GPR176: variants seen among roughly 807,000 people sequenced by gnomAD.
GPR176 encodes G-protein coupled receptor 176.
A neutral mutation model predicts 35.4 loss-of-function variants in GPR176; 26 were observed. The observed-to-expected ratio is 0.74, with a 90% CI of 0.54 to 1.02. The LOEUF is 1.02. Among genes scored for constraint, GPR176 ranks in the 50% least tolerant of loss-of-function variants. GPR176 has a pLI of 0.00. For synonymous variants in GPR176, 278 were observed against 271.3 expected (o/e 1.02, Z -0.24); for missense variants, 597 against 665.3 (o/e 0.90, Z 1.13).
At position 39,799,190 on chromosome 15, in the gene GPR176, G is replaced by A. The variant is rs973909477; in HGVS notation, c.*1942C>T. 1.3e-5 allele frequency: 2 copies of A among 152,224 alleles called. No homozygotes were observed. Among genetic ancestry groups the A allele is most frequent in the African/African-American group, 4.8e-5 (2 of 41,454 alleles). 9.4% of individuals were successfully genotyped at this position (152,224 alleles called of 1,614,324 possible). ...GTTGTACATATACAGTATATTATCA[G>A]AACAACACCAAAGTGGCTACACTTG... On this transcript the variant is annotated 3_prime_UTR_variant, in exon 3 of 3. Coordinates refer to ENST00000561100, the MANE Select transcript of GPR176 (RefSeq NM_007223.3).
intron 1 of GPR176, among the ~76,000 whole-genome samples, chr15:39,911,028 T>G (rs2033563612): frequency 6.6e-6 from 1 of 151,794 alleles, no homozygotes; most frequent in African/African-American, 2.4e-5. Flanking sequence ...AGAGTGAGAC[T>G]CTGTATCAAA....
intron 1 of GPR176, among the ~76,000 whole-genome samples, chr15:39,881,665 A>G (rs113293669): frequency 6.6e-6 from 1 of 152,334 alleles, no homozygotes; most frequent in African/African-American, 2.4e-5. Flanking sequence ...TGAAATTTAC[A>G]TTTCTCACTG....
At chr15:39,897,303 C>T (rs770744437) in intron 1 of GPR176, among the ~76,000 whole-genome samples, 6 of 152,228 alleles carry the variant, frequency 3.9e-5, no homozygotes, top group African/African-American at 4.8e-5. Context: ...ACAGCAGACA[C>T]AAAACCACAC....
At chr15:39,879,526 C>T (rs933513976) in intron 1 of GPR176, among the ~76,000 whole-genome samples, 2 of 152,200 alleles carry the variant, frequency 1.3e-5, no homozygotes, top group Non-Finnish European at 2.9e-5. Flanking sequence ...AACCCTCATG[C>T]CCATGCTGCT....
chr15:39,905,437 C>A (rs1369861710), intron 1 of GPR176, among the ~76,000 whole-genome samples: 1 of 130,660 alleles, frequency 7.7e-6, no homozygotes, highest in African/African-American at 3.0e-5. Flanking sequence ...ATAGTGAGAC[C>A]TCGTCTCTAC....
rs1319999925 is a variant in GPR176, at chr15:39,801,861, C to T, written c.819G>A (p.Met273Ile). The T allele has an allele frequency of 6.2e-7, 1 of 1,613,904 alleles. No homozygotes were observed. Among genetic ancestry groups the T allele is most frequent in the Non-Finnish European group, 8.5e-7 (1 of 1,179,994 alleles). Residue 273 changes from methionine (M) to isoleucine (I), a missense_variant, in exon 3 of 3, where the codon ATG becomes ATA. Physicochemically the swap from Met to Ile is conservative, Grantham distance 10 (BLOSUM62 1). This residue lies in a region of GPR176 where 220 missense variants were observed against 297.6 expected (regional missense o/e 0.74). Transcript: ENST00000561100. The stretch of plus-strand genomic sequence containing the variant: ...AGGGCACGCTACACAAGATGAAGAC[C>T]ATCACCATGGAGAGCAGGGTGGCGT... The part of the protein sequence containing the change: ...ELHATLLSMV[M>I]VFILCSVPYA...
chr15:39,905,365 C>T (rs993484617), intron 1 of GPR176, among the ~76,000 whole-genome samples: 1 of 148,738 alleles, frequency 6.7e-6, no homozygotes, highest in Non-Finnish European at 1.5e-5. Flanking sequence ...AATCCCAGCA[C>T]TTTGGGAGGC....
intron 1 of GPR176, among the ~76,000 whole-genome samples, chr15:39,823,976 C>T (rs972795303): frequency 6.6e-6 from 1 of 152,152 alleles, no homozygotes; most frequent in Non-Finnish European, 1.5e-5. Flanking sequence ...GAAATGTGGC[C>T]TCCATTGTTA....
chr15:39,875,798 T>C (rs909184576), intron 1 of GPR176, among the ~76,000 whole-genome samples: 3 of 152,096 alleles, frequency 2.0e-5, no homozygotes, highest in Admixed American at 6.6e-5. Context: ...TTTATCATCT[T>C]GCTTAACTCA....
chr15:39,919,347 G>A (rs1052291044), intron 1 of GPR176, among the ~76,000 whole-genome samples: 7 of 152,006 alleles, frequency 4.6e-5, no homozygotes, highest in African/African-American at 1.7e-4. Context: ...TTTACCAGCA[G>A]GTTGGTGTTC....
chr15:39,804,093 G>C (rs1187919579), intron 2 of GPR176, among the ~76,000 whole-genome samples: 1 of 152,178 alleles, frequency 6.6e-6, no homozygotes, highest in African/African-American at 2.4e-5. Context: ...CACTGGCTCT[G>C]ACTGCCATTT....
intron 1 of GPR176, among the ~76,000 whole-genome samples, chr15:39,918,706 T>A (rs1448297100): frequency 6.6e-6 from 1 of 152,098 alleles, no homozygotes; most frequent in Admixed American, 6.6e-5. Context: ...GCAATAGTAG[T>A]ATCTACTCCT....
chr15:39,899,084 C>G (rs139574832), intron 1 of GPR176, among the ~76,000 whole-genome samples: 1 of 152,262 alleles, frequency 6.6e-6, no homozygotes, highest in East Asian at 1.9e-4. Context: ...GCCTGTGGAC[C>G]AGCAGCATCA....
chr15:39,919,312 C>T (rs1388613181), intron 1 of GPR176, among the ~76,000 whole-genome samples: 1 of 152,030 alleles, frequency 6.6e-6, no homozygotes, highest in Non-Finnish European at 1.5e-5. Context: ...CGACAGGCGA[C>T]ATACAGTTTA....
intron 1 of GPR176, among the ~76,000 whole-genome samples, chr15:39,809,128 G>T (rs999784134): frequency 2.3e-4 from 35 of 152,180 alleles, no homozygotes; most frequent in Admixed American, 3.9e-4. Context: ...TTTAAAACCC[G>T]AGACTGCTAT....
chr15:39,807,893 A>G (rs571465471), intron 1 of GPR176, among the ~76,000 whole-genome samples: 1 of 152,324 alleles, frequency 6.6e-6, no homozygotes, highest in Admixed American at 6.5e-5. Context: ...CAATAGCCAC[A>G]TGCAGCTAGT....
Position 39,838,094 on chromosome 15 carries a change from T to C in GPR176, c.173-30836A>G, listed in dbSNP as rs369836022. Among the ~76,000 whole-genome samples the C allele has an allele frequency of 3.0e-4, 46 of 152,204 alleles. No homozygotes were observed. In the East Asian group the frequency reaches 3.9e-3, roughly 13 times the overall value. On this transcript the variant is annotated intron_variant, in intron 1 of 2. Coordinates refer to ENST00000561100, the MANE Select transcript of GPR176 (RefSeq NM_007223.3). Reference sequence around the variant, plus strand: ...ACTAATGACTTATAACAAAATTAGGTTGTCATAGATGCATTAAGTTTCTGC... The same window carrying C: ...ACTAATGACTTATAACAAAATTAGGCTGTCATAGATGCATTAAGTTTCTGC...
At chr15:39,862,377 T>G (rs938373804) in intron 1 of GPR176, 3 of 152,222 alleles carry the variant, frequency 2.0e-5, no homozygotes, top group Non-Finnish European at 4.4e-5. Context: ...GCAGGCTTTT[T>G]GATGCATTTG....
At chr15:39,835,576 C>G (rs1470242295) in intron 1 of GPR176, among the ~76,000 whole-genome samples, 1 of 152,090 alleles carries the variant, frequency 6.6e-6, no homozygotes, top group African/African-American at 2.4e-5. Context: ...TACTGGGCCC[C>G]CATTCTCAGA....
Sources: allele counts gnomAD v4.1 joint callset (sites outside exome capture counted in the v4.1 genomes callset), GRCh38; gene constraint gnomAD v4.1.1; regional missense constraint gnomAD v4.1.1; transcripts MANE v1.5; gene names NCBI Gene and HGNC (gene_info 2026-07-23, HGNC 2026-07-21).